CHST15: variants seen among roughly 807,000 people sequenced by gnomAD.
The protein encoded by CHST15 is carbohydrate sulfotransferase 15.
CHST15 carries 30 observed loss-of-function variants against 53.6 expected under a neutral mutation model. The observed-to-expected ratio is 0.56, with a 90% confidence interval of 0.42 to 0.76. CHST15 has a LOEUF of 0.76. Ranked by LOEUF, CHST15 falls within the 30% of genes least tolerant of loss-of-function variation. The pLI, the probability that CHST15 is intolerant of heterozygous loss-of-function variation, is 0.00. For missense variants in CHST15, 627 were observed against 740.5 expected, an observed-to-expected ratio of 0.85 and a Z score of 1.78; for synonymous variants, 296 against 289.8, an observed-to-expected ratio of 1.02 and a Z score of -0.22.
intron 1 of CHST15, among the ~76,000 whole-genome samples, chr10:124,070,759 G>A (rs1020069477): frequency 2.0e-5 from 3 of 152,166 alleles, no homozygotes; most frequent in African/African-American, 7.2e-5. Context: ...ACAAGTCCCT[G>A]TTCAGCTGCA....
chr10:124,011,943 T>G, intron 7 of CHST15: 1 of 797,420 alleles, frequency 1.3e-6, no homozygotes, highest in Non-Finnish European at 1.5e-6. Context: ...TTTCCTTCCA[T>G]GAAGCCTTCC....
At position 124,085,762 on chromosome 10, in the gene CHST15, GA is replaced by G. The variant is rs571148195; in HGVS notation, c.-513+7706del. On this transcript the variant is annotated intron_variant, in intron 1 of 7. Transcript: ENST00000435907. ...AACAGAGGAAAACTGCAGAAGCTCA[GA>G]GGAGGAAGGATCCACACCTGGCTGG... Among the ~76,000 whole-genome samples the G allele has an allele frequency of 2.1e-3, 325 of 152,302 alleles. 1 individual carries two copies. Among genetic ancestry groups the G allele is most frequent in the African/African-American group, 7.7e-3 (318 of 41,554 alleles).
intron 1 of CHST15, among the ~76,000 whole-genome samples, chr10:124,054,032 T>C (rs1244159870): frequency 1.3e-5 from 2 of 152,162 alleles, no homozygotes; most frequent in African/African-American, 4.8e-5. Context: ...CAAAATGTGT[T>C]TATGACAACC....
chr10:124,080,780 C>T (rs1339610460), intron 1 of CHST15, among the ~76,000 whole-genome samples: 1 of 152,212 alleles, frequency 6.6e-6, no homozygotes, highest in Admixed American at 6.5e-5. Flanking sequence ...AGACACTCAC[C>T]ATCCCTGCAC....
intron 1 of CHST15, among the ~76,000 whole-genome samples, chr10:124,090,861 T>C (rs1949583450): frequency 6.6e-6 from 1 of 152,202 alleles, no homozygotes; most frequent in Non-Finnish European, 1.5e-5. Context: ...CCTGGATGAA[T>C]TACCCCTGCA....
At chr10:124,020,253 G>C in intron 6 of CHST15, 1 of 985,544 alleles carries the variant, frequency 1.0e-6, no homozygotes, top group Non-Finnish European at 1.2e-6. Flanking sequence ...GTCTCAGAAA[G>C]GCTGAGACAA....
At chr10:124,060,992 C>T (rs549213293) in intron 1 of CHST15, among the ~76,000 whole-genome samples, 70 of 152,266 alleles carry the variant, frequency 4.6e-4, no homozygotes, top group African/African-American at 1.6e-3. Flanking sequence ...TCATCTCTTT[C>T]TGACTTTTAG....
At chr10:124,051,650 T>C (rs549187723) in intron 1 of CHST15, among the ~76,000 whole-genome samples, 1 of 152,360 alleles carries the variant, frequency 6.6e-6, no homozygotes, top group East Asian at 1.9e-4. Context: ...CTGAGCCTGA[T>C]GGCTGCAGAC....
intron 1 of CHST15, among the ~76,000 whole-genome samples, chr10:124,090,291 C>A (rs1949565903): frequency 6.6e-6 from 1 of 152,248 alleles, no homozygotes; most frequent in South Asian, 2.1e-4. Flanking sequence ...GTTTTCCCCC[C>A]AACTGGCTGG....
intron 5 of CHST15, among the ~76,000 whole-genome samples, chr10:124,037,644 C>T (rs1947551867): frequency 6.6e-6 from 1 of 152,208 alleles, no homozygotes; most frequent in African/African-American, 2.4e-5. Context: ...ATGATGCAAG[C>T]AGTGCCCAGT....
In CHST15 at chr10:124,019,454, C is replaced by T. The variant is rs767900576; in HGVS notation, c.1347+1802G>A. On this transcript the variant is annotated intron_variant, in intron 6 of 7. Coordinates refer to ENST00000435907, the MANE Select transcript of CHST15 (RefSeq NM_001270764.2). This position sits in a 1 kb window ranked among gnomAD's most constrained non-coding sequence, Gnocchi z 4.6. ...AAGCCACACACAAATAGAGTTTCTC[C>T]GAGACCCTGTGTCCCCTGTGACGGT... Among the ~76,000 whole-genome samples, 11 of 152,266 alleles carry T rather than the reference C, an allele frequency of 7.2e-5. No homozygotes were observed. Among genetic ancestry groups the T allele is most frequent in the African/African-American group, 1.4e-4 (6 of 41,534 alleles).
rs1946310147 is a variant in CHST15, at chr10:124,007,769, C to T, written c.*2380G>A. ...AAAAGTACAGCGTAACTGCGATTCA[C>T]TTAACATACCTTACAGGACTAAGGG... On this transcript the variant is annotated 3_prime_UTR_variant, in exon 8 of 8. Transcript: ENST00000435907. 3 of 1,231,480 alleles carry T rather than the reference C, an allele frequency of 2.4e-6. No homozygotes were observed. Among genetic ancestry groups the T allele is most frequent in the African/African-American group, 1.5e-5 (1 of 64,558 alleles). The allele number at this position is 1,231,480 out of a possible 1,614,324, so 76.3% of individuals were successfully genotyped here.
chr10:124,019,733 T>C lies in CHST15; in HGVS notation c.1347+1523A>G. 2 of 969,120 alleles carry C rather than the reference T, an allele frequency of 2.1e-6. No homozygotes were observed. The highest frequency in any genetic ancestry group is 2.5e-6 in the Non-Finnish European group (2 of 815,054). 60.0% of individuals were successfully genotyped at this position (969,120 alleles called of 1,614,324 possible). The stretch of plus-strand genomic sequence containing the variant: ...AGATATTCCTTTTCCACTCCTACAC[T>C]ATCTTCTGCTTAAAACCCTCTGAGG... On this transcript the variant is annotated intron_variant, in intron 6 of 7. Transcript: ENST00000435907. This position sits in a 1 kb window ranked among gnomAD's most constrained non-coding sequence, Gnocchi z 4.6.
At chr10:124,038,490 A>T (rs775663009) in intron 5 of CHST15, 25 bp downstream of exon 5, 3 of 1,609,404 alleles carry the variant, frequency 1.9e-6, no homozygotes, top group Non-Finnish European at 2.6e-6. Flanking sequence ...TCTCACCCCA[A>T]ATACAACACA....
chr10:124,073,376 C>T (rs118151202), intron 1 of CHST15, among the ~76,000 whole-genome samples: 18 of 152,290 alleles, frequency 1.2e-4, no homozygotes, highest in East Asian at 1.2e-3. Context: ...ACCCAGGCCG[C>T]GGAAGTCAGG....
At chr10:124,035,565 T>C (rs1231439567) in intron 5 of CHST15, among the ~76,000 whole-genome samples, 1 of 148,250 alleles carries the variant, frequency 6.7e-6, no homozygotes, top group Non-Finnish European at 1.5e-5. Context: ...GTTCCACCCC[T>C]AACAGGGACC....
chr10:124,014,186 G>C (rs1946511175), intron 6 of CHST15, among the ~76,000 whole-genome samples: 1 of 152,088 alleles, frequency 6.6e-6, no homozygotes, highest in Non-Finnish European at 1.5e-5. Flanking sequence ...TGCCCAACTT[G>C]ACCTGGACCT....
intron 1 of CHST15, among the ~76,000 whole-genome samples, chr10:124,062,173 G>A (rs150034167): frequency 6.2e-4 from 94 of 152,120 alleles, no homozygotes; most frequent in African/African-American, 2.2e-3. Flanking sequence ...TTACACACAC[G>A]CACAGACCAA....
chr10:124,035,009 C>G (rs1371319306), intron 5 of CHST15, among the ~76,000 whole-genome samples: 1 of 143,166 alleles, frequency 7.0e-6, no homozygotes. Context: ...TAATAGGGAC[C>G]CTGGCTCTAC....
Sources: allele counts gnomAD v4.1 joint callset (sites outside exome capture counted in the v4.1 genomes callset), GRCh38; gene constraint gnomAD v4.1.1; non-coding constraint Gnocchi (gnomAD v3.1); transcripts MANE v1.5; gene names NCBI Gene and HGNC (gene_info 2026-07-23, HGNC 2026-07-21).